PROX2: variants seen among roughly 807,000 people sequenced by gnomAD.
PROX2 encodes the protein prospero homeobox 2.
A neutral mutation model predicts 48.9 loss-of-function variants in PROX2; 46 were observed. The ratio of observed to expected loss-of-function variants is 0.94; its 90% CI spans 0.74 to 1.20. The LOEUF (loss-of-function observed/expected upper bound fraction) is 1.20. Ranked by LOEUF, PROX2 falls within the 50% of genes most tolerant of loss-of-function variation. PROX2 has a pLI of 0.00. For synonymous variants in PROX2, 260 were observed against 276.6 expected, an observed-to-expected ratio of 0.94 and a Z score of 0.60; for missense variants, 663 against 719.4, an observed-to-expected ratio of 0.92 and a Z score of 0.90.
intron 3 of PROX2, among the ~76,000 whole-genome samples, chr14:74,861,653 G>A (rs1333191599): frequency 2.0e-5 from 3 of 152,152 alleles, no homozygotes; most frequent in Non-Finnish European, 2.9e-5. Flanking sequence ...CATATGCCCA[G>A]CCCCTAGTCT....
intron 2 of PROX2, among the ~76,000 whole-genome samples, 191 bp from the exon 3 acceptor site, chr14:74,864,199 C>T (rs913772604): frequency 6.6e-6 from 1 of 152,106 alleles, no homozygotes; most frequent in African/African-American, 2.4e-5. Context: ...CAGAACCCCA[C>T]TTTGAGGAGA....
In PROX2 at chr14:74,862,893, G is replaced by A. The variant is rs1247261999; in HGVS notation, c.942C>T (p.Tyr314=). ...SLAKRLDSPR[Y]PIPPRMTPKP... ...TGGGGGTCATTCTTGGAGGGATAGG[G>A]TACCTAGGAGAATCTAGACGCTTGG... The change falls in exon 3 of 6, where the codon TAC becomes TAT. Residue 314 remains tyrosine, a synonymous_variant. Coordinates refer to ENST00000556489, the MANE Select transcript of PROX2 (RefSeq NM_001243007.2). 1 of 1,613,844 alleles carries A rather than the reference G, an allele frequency of 6.2e-7. No homozygotes were observed. Among genetic ancestry groups the A allele is most frequent in the Admixed American group, 1.7e-5 (1 of 60,016 alleles).
chr14:74,870,376 G>T (rs1883179540), intron 2 of PROX2, among the ~76,000 whole-genome samples: 2 of 145,706 alleles, frequency 1.4e-5, no homozygotes, highest in South Asian at 4.3e-4. Context: ...AGTGAGCTCT[G>T]ATTGCGCCAC....
At position 74,876,059 on chromosome 14, in the gene PROX2, C is replaced by T. The variant is rs1883336706; in HGVS notation, c.-474G>A. On this transcript the variant is annotated 5_prime_UTR_variant, in exon 1 of 6. Transcript: ENST00000556489. ...GCTTCCTCTCCAGGCAGGCCGGGTG[C>T]CCGTGGCTGGGTGAGGGGAGGCTCT... 6.6e-6 allele frequency among the ~76,000 whole-genome samples: 1 copy of T among 152,208 alleles called. No homozygotes were observed. The highest frequency in any genetic ancestry group is 1.5e-5 in the Non-Finnish European group (1 of 68,034).
chr14:74,858,583 T>C (rs974032524), intron 3 of PROX2, 69 bp from the exon 4 acceptor site: 18 of 798,710 alleles, frequency 2.3e-5, no homozygotes, highest in Non-Finnish European at 3.1e-5. Flanking sequence ...GAATTCCTTG[T>C]TCCTGTGGTT....
intron 3 of PROX2, chr14:74,858,778 TTGTGTGTGTGTGTGTG>T (rs3083647): frequency 2.8e-5 from 6 of 214,442 alleles, no homozygotes; most frequent in Non-Finnish European, 5.4e-5. Context: ...TTGGTGTATT[TTGTGTGTGTGTGTGTG>T]TGTGTGTGTG....
At chr14:74,873,820 CT>C (rs1883274108) in intron 1 of PROX2, 1 of 459,402 alleles carries the variant, frequency 2.2e-6, no homozygotes, top group African/African-American at 2.0e-5. Context: ...ATCCATAGCA[CT>C]TATGATGACA....
intron 4 of PROX2, chr14:74,857,457 G>T (rs1419285771): frequency 6.5e-6 from 1 of 154,702 alleles, no homozygotes; most frequent in Non-Finnish European, 1.4e-5. Context: ...AAAATCAGAG[G>T]TTGCTTCAGG....
chr14:74,861,186 A>AG (rs752301999), intron 3 of PROX2: 3 of 1,350,052 alleles, frequency 2.2e-6, no homozygotes, highest in Admixed American at 3.8e-5. Context: ...AGTAGTTGCC[A>AG]GGCAAAGGAC....
rs10525556 is a variant in PROX2, at chr14:74,870,441, T to TACAC, written c.-175+658_-175+661dup. On this transcript the variant is annotated intron_variant, in intron 2 of 5. Coordinates refer to ENST00000556489, the MANE Select transcript of PROX2 (RefSeq NM_001243007.2). ...GCCTGCCTCAAAAAAAAAAAAAAAATACACACACACACACACACACACACA... is the reference window on the plus strand; with the variant it reads ...GCCTGCCTCAAAAAAAAAAAAAAAATACACACACACACACACACACACACACACA... Among the ~76,000 whole-genome samples the TACAC allele has an allele frequency of 3.2e-3, 357 of 110,900 alleles. 7 individuals carry two copies. In the South Asian group the frequency reaches 0.045, roughly 14 times the overall value. 72.8% of individuals were successfully genotyped at this position (110,900 alleles called of 152,430 possible). A position where few individuals can be genotyped will look rare whatever the true frequency, so the allele number is the denominator to read the frequency against.
chr14:74,868,705 C>T (rs1439688079), intron 2 of PROX2, among the ~76,000 whole-genome samples: 3 of 151,792 alleles, frequency 2.0e-5, no homozygotes, highest in Non-Finnish European at 2.9e-5. Flanking sequence ...GGCATGGTGG[C>T]GGGCGCCTGT....
chr14:74,863,444 G>A lies in PROX2; in HGVS notation c.391C>T (p.Arg131Cys), dbSNP rs372540137. 1.7e-5 allele frequency: 27 copies of A among 1,613,382 alleles called. No individual in the cohort carries two copies. Among genetic ancestry groups the A allele is most frequent in the African/African-American group, 1.3e-5 (1 of 75,050 alleles). Residue 131 changes from arginine to cysteine, a missense_variant, in exon 3 of 6, where the codon CGT (arginine) becomes TGT (cysteine). Arg to Cys is a radical substitution (Grantham distance 180). Coordinates refer to ENST00000556489, the MANE Select transcript of PROX2 (RefSeq NM_001243007.2). ...WDQGNRKGGP[R>C]VREQLHLLKQ... ...AGCAGATGAAGTTGTTCTCTCACAC[G>A]AGGGCCCCCCTTCCTGTTGCCCTGG...
Position 74,863,615 on chromosome 14 carries a change from C to T in PROX2, c.220G>A (p.Gly74Ser), listed in dbSNP as rs1015947940. The T allele has an allele frequency of 3.1e-6, 5 of 1,604,554 alleles. No homozygotes were observed. The highest frequency in any genetic ancestry group is 1.1e-5 in the South Asian group (1 of 89,004). The part of the protein sequence containing the change: ...KRARVETIVR[G>S]MCLSPNPLVP... ...AGAGGATTCGGGGAGAGACACATGC[C>T]TCGGACAATGGTCTCCACTCTGGCC... The change falls in exon 3 of 6, where the codon GGC (glycine) becomes AGC (serine). Residue 74 changes from glycine to serine, a missense_variant. By Grantham distance (56) the Gly-to-Ser change is moderately conservative. Transcript: ENST00000556489.
intron 5 of PROX2, 189 bp from the exon 6 acceptor site, chr14:74,855,491 C>G: frequency 2.5e-6 from 1 of 406,050 alleles, no homozygotes; most frequent in Non-Finnish European, 4.3e-6. Context: ...CTTGATAAGA[C>G]AGCTCCAGTG....
intron 3 of PROX2, among the ~76,000 whole-genome samples, chr14:74,862,322 C>T (rs746136713): frequency 5.9e-5 from 9 of 152,246 alleles, no homozygotes; most frequent in Admixed American, 1.3e-4. Flanking sequence ...CTGCCTCAGC[C>T]TCCTGAGTAG....
At chr14:74,856,743 C>T (rs564557774) in intron 5 of PROX2, 58 bp downstream of exon 5, 15 of 1,468,192 alleles carry the variant, frequency 1.0e-5, no homozygotes, top group Admixed American at 3.6e-5. Context: ...TCCTAAAACT[C>T]GAATCATATA....
At chr14:74,865,022 G>A (rs1450744296) in intron 2 of PROX2, among the ~76,000 whole-genome samples, 1 of 148,700 alleles carries the variant, frequency 6.7e-6, no homozygotes, top group Non-Finnish European at 1.5e-5. Flanking sequence ...GCATGCGCCT[G>A]TAATCCCAGC....
intron 1 of PROX2, chr14:74,874,233 C>A: frequency 2.6e-6 from 1 of 379,760 alleles, no homozygotes. Flanking sequence ...TTTGGGATGA[C>A]CTGCCAGCAT....
At chr14:74,855,423 C>G in intron 5 of PROX2, 121 bp from the exon 6 acceptor site, 1 of 657,904 alleles carries the variant, frequency 1.5e-6, no homozygotes, top group Non-Finnish European at 2.3e-6. Context: ...CATCCCTGCT[C>G]TAGTGGCCCC....
Sources: gnomAD v4.1 joint callset for allele counts (sites outside exome capture counted in the v4.1 genomes callset) on GRCh38, gnomAD v4.1.1 for gene constraint, MANE v1.5 for transcripts, NCBI Gene and HGNC (gene_info 2026-07-23, HGNC 2026-07-21) for gene names.